The following SLC36A1 variants were observed in gnomAD, a reference collection of about 807,000 sequenced individuals.
SLC36A1 encodes proton-coupled amino acid transporter 1.
A neutral mutation model predicts 47.5 loss-of-function variants in SLC36A1; 30 were observed. The observed-to-expected ratio is 0.63, with a 90% CI of 0.47 to 0.86. The LOEUF (loss-of-function observed/expected upper bound fraction) is 0.86. Among genes scored for constraint, SLC36A1 ranks in the 40% least tolerant of loss-of-function variants. SLC36A1 has a pLI of 0.00. For missense variants in SLC36A1, 517 were observed against 606.0 expected (o/e 0.85, Z 1.54); for synonymous variants, 255 against 249.7 (o/e 1.02, Z -0.20).
chr5:151,376,846 TG>T, the SLC36A1 span, among the ~76,000 whole-genome samples: 27 of 152,304 alleles, frequency 1.8e-4, no homozygotes, highest in Non-Finnish European at 2.2e-4. Flanking sequence ...TTGGTCAGGC[TG>T]GTCTCGAACT....
the SLC36A1 span, among the ~76,000 whole-genome samples, chr5:151,345,558 AG>A: frequency 1.3e-5 from 2 of 152,146 alleles, no homozygotes; most frequent in Admixed American, 6.5e-5. Context: ...CGAGGGAGAA[AG>A]GGGGTGGAGA....
chr5:151,385,769 A>G, the SLC36A1 span, among the ~76,000 whole-genome samples: 2 of 152,114 alleles, frequency 1.3e-5, no homozygotes, highest in African/African-American at 2.4e-5. Flanking sequence ...AACAGCAACA[A>G]CTACCTTTAC....
chr5:151,473,944 G>C (rs942740332), intron 8 of SLC36A1, among the ~76,000 whole-genome samples, 173 bp downstream of exon 8: 1 of 152,012 alleles, frequency 6.6e-6, no homozygotes, highest in East Asian at 1.9e-4. Flanking sequence ...TGGATCACTT[G>C]AGGTCAGGAG....
the SLC36A1 span, chr5:151,551,694 G>A: frequency 4.9e-6 from 7 of 1,419,556 alleles, no homozygotes; most frequent in Middle Eastern, 3.6e-4. Context: ...AGGCTCAGAG[G>A]ACACGGTGGT....
chr5:151,496,037 A>G (rs1198834508), downstream of SLC36A1, among the ~76,000 whole-genome samples: 3 of 152,172 alleles, frequency 2.0e-5, no homozygotes, highest in South Asian at 4.1e-4. Context: ...CAGGAGCACA[A>G]TTGCTGAATT....
the SLC36A1 span, among the ~76,000 whole-genome samples, chr5:151,375,129 C>T: frequency 3.6e-4 from 54 of 152,044 alleles, no homozygotes; most frequent in Non-Finnish European, 6.5e-4. Flanking sequence ...ATGAATTCTT[C>T]GCCTAGTCTA....
At chr5:151,433,251 TATATATATATATATA>T (rs1206293130), upstream of SLC36A1, among the ~76,000 whole-genome samples, 6 of 18,392 alleles carry the variant, frequency 3.3e-4, no homozygotes, top group South Asian at 1.8e-3. Context: ...TATATATATA[TATATATATATATATA>T]TTTTTTTTTT....
chr5:151,546,118 G>A, the SLC36A1 span: 2 of 1,614,132 alleles, frequency 1.2e-6, no homozygotes, highest in Non-Finnish European at 1.7e-6. Flanking sequence ...GATTGATTCA[G>A]GGATCTCTAC....
the SLC36A1 span, chr5:151,537,787 A>G: frequency 6.2e-7 from 1 of 1,607,052 alleles, no homozygotes; most frequent in South Asian, 1.1e-5. Flanking sequence ...AGCTCAGGAA[A>G]CCCACCTGTA....
rs1760092495 is a variant in SLC36A1, at chr5:151,491,283, T to C, written c.*3029T>C. On this transcript the variant is annotated 3_prime_UTR_variant, in exon 11 of 11. Transcript: ENST00000243389. ...AGTGGCATTATTTATGTTGTGCTGC[T>C]GTCCAGCTGCTAAGATCCCTTCATC... 1 of 152,668 alleles carries C rather than the reference T, an allele frequency of 6.6e-6. No homozygotes were observed. The highest frequency in any genetic ancestry group is 6.5e-5 in the Admixed American group (1 of 15,286). 9.5% of individuals were successfully genotyped at this position (152,668 alleles called of 1,614,324 possible).
the SLC36A1 span, chr5:151,544,671 G>C: frequency 6.2e-7 from 1 of 1,614,080 alleles, no homozygotes; most frequent in Non-Finnish European, 8.5e-7. Context: ...CACTCTGGAG[G>C]GATGGCGTTC....
chr5:151,467,098 C>T, intron 5 of SLC36A1, 101 bp from the exon 6 acceptor site: 1 of 892,276 alleles, frequency 1.1e-6, no homozygotes, highest in Non-Finnish European at 1.8e-6. Context: ...ACTTGTACTC[C>T]CTAAATCTAT....
At chr5:151,407,678 C>T in the SLC36A1 span, among the ~76,000 whole-genome samples, 2 of 152,200 alleles carry the variant, frequency 1.3e-5, no homozygotes, top group Admixed American at 1.3e-4. Context: ...CTCAGTTTCT[C>T]CGTGTATATA....
the SLC36A1 span, chr5:151,550,699 T>C: frequency 6.2e-7 from 1 of 1,614,134 alleles, no homozygotes; most frequent in Admixed American, 1.7e-5. Context: ...ACTTCCTGGG[T>C]CTTGGCTGCC....
the SLC36A1 span, among the ~76,000 whole-genome samples, chr5:151,390,737 C>T: frequency 2.0e-5 from 3 of 152,038 alleles, no homozygotes; most frequent in Non-Finnish European, 4.4e-5. Flanking sequence ...TATTATTACT[C>T]AGGGCTCTGT....
the SLC36A1 span, among the ~76,000 whole-genome samples, chr5:151,364,229 T>G: frequency 1.7e-4 from 26 of 152,204 alleles, no homozygotes; most frequent in Non-Finnish European, 1.0e-4. Context: ...TTTTCTTAAT[T>G]TTTTAATGTT....
At chr5:151,413,834 T>C in the SLC36A1 span, among the ~76,000 whole-genome samples, 1 of 152,102 alleles carries the variant, frequency 6.6e-6, no homozygotes, top group Non-Finnish European at 1.5e-5. Context: ...GTATATTATA[T>C]ATTGGCAGTA....
intron 9 of SLC36A1, 49 bp downstream of exon 9, chr5:151,476,805 A>G: frequency 1.9e-6 from 3 of 1,602,434 alleles, no homozygotes; most frequent in South Asian, 1.1e-5. Context: ...ATTTTTAAAA[A>G]CTAATGGGTC....
upstream of SLC36A1, among the ~76,000 whole-genome samples, chr5:151,433,213 C>T (rs71588017): frequency 1.2e-5 from 1 of 85,638 alleles, no homozygotes; most frequent in Non-Finnish European, 2.1e-5. Flanking sequence ...ACTAAAACTT[C>T]TGAATAACAT....
Sources: allele counts gnomAD v4.1 joint callset (sites outside exome capture counted in the v4.1 genomes callset), GRCh38; gene constraint gnomAD v4.1.1; transcripts MANE v1.5; gene names NCBI Gene and HGNC (gene_info 2026-07-23, HGNC 2026-07-21).